GABPB1: variants seen among roughly 807,000 people sequenced by gnomAD.
The protein encoded by GABPB1 is GA-binding protein subunit beta-1.
GABPB1 carries 15 observed loss-of-function variants against 45.9 expected under a neutral mutation model. That is an observed-to-expected ratio of 0.33 (90% CI 0.22 to 0.50). GABPB1 has a LOEUF of 0.50. Among genes scored for constraint, GABPB1 ranks in the 20% least tolerant of loss-of-function variants. The pLI is 0.98. For missense variants in GABPB1, 252 were observed against 457.5 expected (o/e 0.55, Z 4.10); for synonymous variants, 143 against 154.4 (o/e 0.93, Z 0.55).
At chr15:50,319,474 C>G (rs1567521075) in intron 1 of GABPB1, among the ~76,000 whole-genome samples, 1 of 152,136 alleles carries the variant, frequency 6.6e-6, no homozygotes, top group Non-Finnish European at 1.5e-5. Context: ...TATTATCCCC[C>G]TCCGTATGTC....
chr15:50,293,367 G>A (rs2046413693), intron 6 of GABPB1, among the ~76,000 whole-genome samples: 1 of 152,132 alleles, frequency 6.6e-6, no homozygotes. Flanking sequence ...GTGTTACTTA[G>A]TAATCAAGGA....
At chr15:50,343,769 C>A (rs1313488462) in intron 1 of GABPB1, among the ~76,000 whole-genome samples, 1 of 152,146 alleles carries the variant, frequency 6.6e-6, no homozygotes, top group East Asian at 1.9e-4. Flanking sequence ...GATCTCCTGA[C>A]CTCATGATCT....
intron 1 of GABPB1, chr15:50,354,309 T>C: frequency 2.2e-6 from 1 of 447,652 alleles, no homozygotes; most frequent in South Asian, 1.6e-5. Context: ...CTTCTCCCCC[T>C]CAGGACTCCA....
chr15:50,341,865 A>C (rs2048386171), intron 1 of GABPB1, among the ~76,000 whole-genome samples: 1 of 152,198 alleles, frequency 6.6e-6, no homozygotes, highest in South Asian at 2.1e-4. Flanking sequence ...CCTACAAGTT[A>C]ATTCTGACTA....
chr15:50,305,491 A>G (rs2046918320), intron 2 of GABPB1, among the ~76,000 whole-genome samples: 1 of 152,142 alleles, frequency 6.6e-6, no homozygotes, highest in African/African-American at 2.4e-5. Context: ...AGCTGGGACT[A>G]CAGGCACACA....
At chr15:50,311,680 G>C (rs2047136647) in intron 1 of GABPB1, among the ~76,000 whole-genome samples, 1 of 152,068 alleles carries the variant, frequency 6.6e-6, no homozygotes, top group Non-Finnish European at 1.5e-5. Flanking sequence ...TTTCAGATAA[G>C]GGATACTCAA....
At chr15:50,314,642 C>T (rs2047251844) in intron 1 of GABPB1, 1 of 152,174 alleles carries the variant, frequency 6.6e-6, no homozygotes, top group South Asian at 2.1e-4. Context: ...GCCATGGATA[C>T]TAGAGGTCCA....
At chr15:50,329,249 G>C (rs887671866) in intron 1 of GABPB1, among the ~76,000 whole-genome samples, 3 of 152,200 alleles carry the variant, frequency 2.0e-5, no homozygotes, top group African/African-American at 7.2e-5. Context: ...AGTGTTTCTA[G>C]GTCCTCTCAG....
intron 1 of GABPB1, among the ~76,000 whole-genome samples, chr15:50,323,209 A>G (rs2047636327): frequency 2.0e-5 from 3 of 152,132 alleles, no homozygotes; most frequent in Admixed American, 2.0e-4. Context: ...TTTTTAAATT[A>G]AATCTGTGGC....
At chr15:50,290,609 A>G (rs983114892) in intron 6 of GABPB1, among the ~76,000 whole-genome samples, 2 of 151,822 alleles carry the variant, frequency 1.3e-5, no homozygotes, top group African/African-American at 4.9e-5. Flanking sequence ...AAAAAAATCC[A>G]CAATTCATAA....
intron 1 of GABPB1, chr15:50,350,439 G>A (rs1451617704): frequency 2.0e-5 from 3 of 149,550 alleles, no homozygotes; most frequent in Non-Finnish European, 1.5e-5. Context: ...GAATTTCCAT[G>A]TCAGAAGGTA....
intron 2 of GABPB1, among the ~76,000 whole-genome samples, chr15:50,304,436 C>T (rs920757472): frequency 6.6e-6 from 1 of 152,074 alleles, no homozygotes; most frequent in African/African-American, 2.4e-5. Context: ...AGAGGCCGAA[C>T]GTGGTGGCTC....
At chr15:50,348,256 T>A (rs1253845509) in intron 1 of GABPB1, among the ~76,000 whole-genome samples, 2 of 152,030 alleles carry the variant, frequency 1.3e-5, no homozygotes, top group Non-Finnish European at 2.9e-5. Context: ...CAGGAGTAGT[T>A]TTTTAAATTT....
chr15:50,354,423 C>T, intron 1 of GABPB1: 3 of 451,540 alleles, frequency 6.6e-6, no homozygotes, highest in South Asian at 4.7e-5. Flanking sequence ...ACCCGAGCGC[C>T]TCTCGGCCCC....
intron 1 of GABPB1, among the ~76,000 whole-genome samples, chr15:50,337,326 T>C (rs1384278930): frequency 2.0e-5 from 3 of 151,594 alleles, no homozygotes; most frequent in Non-Finnish European, 2.9e-5. Context: ...CCAACTGTTA[T>C]GAGATTCTGT....
intron 1 of GABPB1, among the ~76,000 whole-genome samples, chr15:50,335,895 CAA>C (rs775073809): frequency 3.8e-5 from 3 of 79,342 alleles, no homozygotes; most frequent in Non-Finnish European, 7.1e-5. Context: ...GACTCCGACT[CAA>C]AAAAAAAAAA....
intron 1 of GABPB1, chr15:50,353,678 G>C (rs1327142762): frequency 6.6e-6 from 1 of 151,996 alleles, no homozygotes; most frequent in African/African-American, 2.4e-5. Context: ...ATGGTTATAC[G>C]TCAGTGAGAA....
At chr15:50,348,976 CACTATAAA>C (rs1340742560) in intron 1 of GABPB1, 4 of 152,072 alleles carry the variant, frequency 2.6e-5, no homozygotes, top group African/African-American at 4.8e-5. Flanking sequence ...ATTTACCATG[CACTATAAA>C]ACTATAAAAT....
intron 1 of GABPB1, among the ~76,000 whole-genome samples, chr15:50,331,223 C>T (rs2047936982): frequency 6.6e-6 from 1 of 152,160 alleles, no homozygotes; most frequent in Non-Finnish European, 1.5e-5. Flanking sequence ...AGGGTACAGT[C>T]ATATGACCTC....
Sources: allele counts gnomAD v4.1 joint callset (sites outside exome capture counted in the v4.1 genomes callset), GRCh38; gene constraint gnomAD v4.1.1; transcripts MANE v1.5; gene names NCBI Gene and HGNC (gene_info 2026-07-23, HGNC 2026-07-21).